PTPRS: variants seen among roughly 807,000 people sequenced by gnomAD.
PTPRS encodes the protein protein tyrosine phosphatase receptor type S.
A neutral mutation model predicts 215.3 loss-of-function variants in PTPRS; 63 were observed. The ratio of observed to expected loss-of-function variants is 0.29; its 90% CI spans 0.24 to 0.36. The LOEUF is 0.36. Among genes scored for constraint, PTPRS ranks in the 10% least tolerant of loss-of-function variants. The probability of loss-of-function intolerance (pLI) is 1.00; values close to 1 mark genes in which losing one functional copy is unlikely to be tolerated. For synonymous variants in PTPRS, 1,404 were observed against 1,191.4 expected, an observed-to-expected ratio of 1.18 and a Z score of -3.68; for missense variants, 2,258 against 2,825.8, an observed-to-expected ratio of 0.80 and a Z score of 4.56.
At chr19:5,278,475 CTTAT>C (rs202098817) in intron 2 of PTPRS, among the ~76,000 whole-genome samples, 12 of 151,552 alleles carry the variant, frequency 7.9e-5, no homozygotes, top group East Asian at 5.8e-4. Context: ...TTTTTGATTA[CTTAT>C]TTATTTATTT....
At chr19:5,335,250 G>A (rs765033779) in intron 1 of PTPRS, among the ~76,000 whole-genome samples, 3 of 152,230 alleles carry the variant, frequency 2.0e-5, no homozygotes, top group African/African-American at 4.8e-5. Flanking sequence ...CTGCGGACGC[G>A]TTGAGAGCCA....
chr19:5,258,572 G>C (rs572049858), intron 7 of PTPRS, among the ~76,000 whole-genome samples: 5 of 152,310 alleles, frequency 3.3e-5, no homozygotes, highest in African/African-American at 9.6e-5. Context: ...AAAATTCAGG[G>C]AGCTGGTGGT....
intron 1 of PTPRS, among the ~76,000 whole-genome samples, chr19:5,325,493 G>A (rs1295797953): frequency 6.6e-6 from 1 of 150,448 alleles, no homozygotes; most frequent in African/African-American, 2.4e-5. Context: ...AACCTGGAAA[G>A]AGAAGAGAGA....
chr19:5,232,865 A>G (rs2043133887), intron 13 of PTPRS, among the ~76,000 whole-genome samples: 1 of 152,042 alleles, frequency 6.6e-6, no homozygotes, highest in African/African-American at 2.4e-5. Context: ...GAACAGCAAC[A>G]GAGCTCTATT....
intron 1 of PTPRS, among the ~76,000 whole-genome samples, chr19:5,305,567 A>T (rs1401902505): frequency 1.3e-5 from 2 of 149,388 alleles, no homozygotes; most frequent in Non-Finnish European, 3.0e-5. Flanking sequence ...AAACAAAAAA[A>T]TCCTTGTGCC....
At position 5,284,863 on chromosome 19, in the gene PTPRS, G is replaced by A. The variant is rs1219041702; in HGVS notation, c.91+1187C>T. ...CCTGGGAGGCTGAGGTGGGAGGATT[G>A]CTTGAGCCTGAGAAGTAGAGGTTGC... On this transcript the variant is annotated intron_variant, in intron 2 of 37. Transcript: ENST00000262963. Among the ~76,000 whole-genome samples the A allele has an allele frequency of 2.6e-5, 4 of 152,242 alleles. No homozygotes were observed. The South Asian group carries it at 6.2e-4, about 24-fold the overall frequency.
rs2050580009 is a variant in PTPRS, at chr19:5,338,511, C to A, written c.-95+2153G>T. Reference sequence around the variant, plus strand: ...CCACGGAAGGCTTTGTGGAGGGCAGCGGGGGGGTAGGGGAGGGATGCCCAG... The same window carrying A: ...CCACGGAAGGCTTTGTGGAGGGCAGAGGGGGGGTAGGGGAGGGATGCCCAG... On this transcript the variant is annotated intron_variant, in intron 1 of 37. Coordinates refer to ENST00000262963, the MANE Select transcript of PTPRS (RefSeq NM_002850.4). This position sits in a 1 kb window ranked among gnomAD's most constrained non-coding sequence, Gnocchi z 4.2. 1.4e-5 allele frequency among the ~76,000 whole-genome samples: 2 copies of A among 148,058 alleles called. No homozygotes were observed. The highest frequency in any genetic ancestry group is 1.3e-4 in the Admixed American group (2 of 14,882).
Position 5,223,560 on chromosome 19 carries a change from A to AT in PTPRS, c.2495-264dup, listed in dbSNP as rs35490567. Among the ~76,000 whole-genome samples, 590 of 129,050 alleles carry AT rather than the reference A, an allele frequency of 4.6e-3. 2 individuals carry two copies. The highest frequency in any genetic ancestry group is 0.014 in the South Asian group (54 of 3,888). 84.7% of individuals were successfully genotyped at this position (129,050 alleles called of 152,430 possible). On this transcript the variant is annotated intron_variant, in intron 17 of 37. Transcript: ENST00000262963. ...GCCACTGCACCCAGCTGCGGTTGTGATTTTTTTTTTTTTTTTTTTTGAGAC... is the reference window on the plus strand; with the variant it reads ...GCCACTGCACCCAGCTGCGGTTGTGATTTTTTTTTTTTTTTTTTTTTGAGAC...
Position 5,244,167 on chromosome 19 carries a change from G to A in PTPRS, c.1304C>T (p.Ala435Val). 1.2e-6 allele frequency: 2 copies of A among 1,600,854 alleles called. No individual in the cohort carries two copies. The highest frequency in any genetic ancestry group is 1.3e-5 in the African/African-American group (1 of 74,820). Reference protein sequence around the residue: ...APASAPRNVQARMLSATTMIV... With the variant: ...APASAPRNVQVRMLSATTMIV... ...CATGGTGGTCGCGCTGAGCATCCGGGCTTGCACGTTCCGCGGCGCGCTGGC... is the reference window on the plus strand; with the variant it reads ...CATGGTGGTCGCGCTGAGCATCCGGACTTGCACGTTCCGCGGCGCGCTGGC... The change falls in exon 11 of 38, where the codon GCC becomes GTC. Residue 435 changes from alanine to valine, a missense_variant. Coordinates refer to ENST00000262963, the MANE Select transcript of PTPRS (RefSeq NM_002850.4). This position sits in a 1 kb window ranked among gnomAD's most constrained non-coding sequence, Gnocchi z 7.2.
intron 9 of PTPRS, among the ~76,000 whole-genome samples, chr19:5,251,207 C>A (rs1012115430): frequency 6.6e-6 from 1 of 151,990 alleles, no homozygotes; most frequent in Non-Finnish European, 1.5e-5. Context: ...GGGTGGGCAC[C>A]GCCCCTCAGC....
intron 16 of PTPRS, among the ~76,000 whole-genome samples, chr19:5,227,444 C>T (rs1324943018): frequency 3.4e-5 from 5 of 145,860 alleles, no homozygotes; most frequent in African/African-American, 1.3e-4. Flanking sequence ...CATAGAGTTT[C>T]GCTCTTGTTG....
intron 4 of PTPRS, among the ~76,000 whole-genome samples, chr19:5,267,954 G>A (rs1209751336): frequency 6.6e-6 from 1 of 152,106 alleles, no homozygotes; most frequent in African/African-American, 2.4e-5. Context: ...TGGATCACGA[G>A]GTCAGGAGAT....
chr19:5,262,936 G>T, intron 6 of PTPRS, 28 bp downstream of exon 6: 2 of 1,574,512 alleles, frequency 1.3e-6, no homozygotes, highest in Non-Finnish European at 1.7e-6. Context: ...GGCGTTAGTT[G>T]TTGACGTGGT....
At chr19:5,302,901 C>CAAAAAAAAAAA (rs61244607) in intron 1 of PTPRS, among the ~76,000 whole-genome samples, 2 of 112,574 alleles carry the variant, frequency 1.8e-5, no homozygotes, top group South Asian at 3.0e-4. Flanking sequence ...ACTAAAAATA[C>CAAAAAAAAAAA]AAAAAAAAAA....
intron 11 of PTPRS, 132 bp downstream of exon 11, chr19:5,243,769 G>A (rs1849563161): frequency 2.2e-6 from 2 of 893,082 alleles, no homozygotes; most frequent in Non-Finnish European, 3.2e-6. Context: ...ACCACACCCG[G>A]CCTAAATGCT....
chr19:5,229,434 C>T (rs2042820494), intron 15 of PTPRS, 57 bp downstream of exon 15: 1 of 1,366,302 alleles, frequency 7.3e-7, no homozygotes, highest in Non-Finnish European at 9.4e-7. Flanking sequence ...GGGGGGAGCG[C>T]AAGGGCCCGT....
intron 1 of PTPRS, among the ~76,000 whole-genome samples, chr19:5,327,166 A>C (rs2050191863): frequency 6.6e-6 from 1 of 152,114 alleles, no homozygotes; most frequent in African/African-American, 2.4e-5. Flanking sequence ...TGCTCTCCGC[A>C]CTGCAGTGGG....
At chr19:5,216,889 G>A (rs2041525311) in intron 25 of PTPRS, 122 bp from the exon 26 acceptor site, 1 of 657,562 alleles carries the variant, frequency 1.5e-6, no homozygotes, top group East Asian at 2.7e-5. Context: ...GGACAACGGG[G>A]GGTATGTACA....
intron 4 of PTPRS, among the ~76,000 whole-genome samples, chr19:5,267,955 G>A (rs1311929044): frequency 6.6e-6 from 1 of 152,102 alleles, no homozygotes; most frequent in Non-Finnish European, 1.5e-5. Context: ...GGATCACGAG[G>A]TCAGGAGATC....
Sources: allele counts gnomAD v4.1 joint callset (sites outside exome capture counted in the v4.1 genomes callset), GRCh38; gene constraint gnomAD v4.1.1; non-coding constraint Gnocchi (gnomAD v3.1); transcripts MANE v1.5; gene names NCBI Gene and HGNC (gene_info 2026-07-23, HGNC 2026-07-21).